The following DPP10 variants were observed in gnomAD, a reference collection of about 807,000 sequenced individuals.
DPP10 encodes the protein inactive dipeptidyl peptidase 10.
In DPP10, 33 loss-of-function variants were observed where a neutral mutation model predicts 120.9. The ratio of observed to expected loss-of-function variants is 0.27; its 90% CI spans 0.21 to 0.37. The LOEUF is 0.37. DPP10 is among the 10% of genes least tolerant of loss of function. The pLI is 1.00. For missense variants in DPP10, 816 were observed against 942.8 expected (o/e 0.87, Z 1.76); for synonymous variants, 337 against 326.1 (o/e 1.03, Z -0.36).
chr2:115,618,013 G>C (rs145609407), intron 5 of DPP10, among the ~76,000 whole-genome samples: 173 of 152,290 alleles, frequency 1.1e-3, no homozygotes, highest in African/African-American at 3.9e-3. Flanking sequence ...TATGTGATAA[G>C]ATGAAGTGAG....
intron 1 of DPP10, among the ~76,000 whole-genome samples, chr2:115,232,310 T>G (rs190878298): frequency 7.2e-6 from 1 of 139,032 alleles, no homozygotes; most frequent in East Asian, 2.2e-4. Flanking sequence ...GTTCTGAGCT[T>G]CACCATTTTT....
intron 1 of DPP10, among the ~76,000 whole-genome samples, chr2:115,070,675 A>T (rs1707292622): frequency 6.6e-6 from 1 of 152,186 alleles, no homozygotes; most frequent in African/African-American, 2.4e-5. Context: ...GTATATGATT[A>T]TAGAAAAGAT....
chr2:115,786,719 A>G (rs1388009645), intron 17 of DPP10, among the ~76,000 whole-genome samples: 1 of 152,178 alleles, frequency 6.6e-6, no homozygotes, highest in Admixed American at 6.5e-5. Flanking sequence ...GATATCTCTG[A>G]GTTGAGGAGA....
At chr2:115,230,041 C>T (rs549694380) in intron 1 of DPP10, among the ~76,000 whole-genome samples, 4 of 151,850 alleles carry the variant, frequency 2.6e-5, no homozygotes, top group African/African-American at 7.2e-5. Context: ...ATTGATTCTT[C>T]GAGCCCATGA....
At chr2:115,748,230 T>C (rs201211277) in intron 10 of DPP10, among the ~76,000 whole-genome samples, 1 of 28,790 alleles carries the variant, frequency 3.5e-5, no homozygotes, top group South Asian at 1.4e-3. Flanking sequence ...TGTTTATGGG[T>C]TTTTTTTTTT....
At chr2:115,574,727 G>A (rs1455845812) in intron 5 of DPP10, among the ~76,000 whole-genome samples, 1 of 152,146 alleles carries the variant, frequency 6.6e-6, no homozygotes, top group African/African-American at 2.4e-5. Context: ...ACAATGCCTG[G>A]AATATGCCAG....
intron 1 of DPP10, among the ~76,000 whole-genome samples, chr2:114,643,901 GTA>G (rs201508977): frequency 1.4e-5 from 2 of 145,128 alleles, no homozygotes; most frequent in African/African-American, 2.6e-5. Flanking sequence ...GTGTATGTGT[GTA>G]TATATATATG....
intron 5 of DPP10, among the ~76,000 whole-genome samples, chr2:115,613,327 T>C (rs1414534546): frequency 2.0e-5 from 3 of 152,224 alleles, no homozygotes; most frequent in South Asian, 2.1e-4. Flanking sequence ...CAGGATATAC[T>C]TGAAGGTTAA....
In DPP10 at chr2:115,576,651, T is replaced by G. The variant is rs564050974; in HGVS notation, c.441+50679T>G. 2.0e-5 allele frequency among the ~76,000 whole-genome samples: 3 copies of G among 152,264 alleles called. No homozygotes were observed. The East Asian group carries it at 5.8e-4, about 29-fold the overall frequency. On this transcript the variant is annotated intron_variant, in intron 5 of 25. Coordinates refer to ENST00000410059, the MANE Select transcript of DPP10 (RefSeq NM_020868.6). ...GAAAACGGTTGAGATGGAGAGGCTT[T>G]CCAGAAGAGAACAAATTGATGAGCA...
chr2:115,161,006 G>C (rs1573833267), intron 1 of DPP10: 1 of 152,328 alleles, frequency 6.6e-6, no homozygotes, highest in African/African-American at 2.4e-5. Context: ...CTTAAGATTT[G>C]AAGGTTTTCC....
chr2:115,332,863 A>G (rs910460074), intron 2 of DPP10, among the ~76,000 whole-genome samples: 4 of 152,074 alleles, frequency 2.6e-5, no homozygotes, highest in African/African-American at 9.7e-5. Flanking sequence ...TCAATTTTGG[A>G]ATCGGTGTGG....
chr2:115,353,139 G>A (rs1473602537), intron 3 of DPP10, among the ~76,000 whole-genome samples: 2 of 152,058 alleles, frequency 1.3e-5, no homozygotes, highest in African/African-American at 2.4e-5. Flanking sequence ...AACAGATGTT[G>A]CAACTAGGAG....
intron 1 of DPP10, among the ~76,000 whole-genome samples, chr2:114,612,507 T>C (rs565794647): frequency 3.1e-4 from 47 of 152,334 alleles, no homozygotes; most frequent in African/African-American, 1.1e-3. Flanking sequence ...TTTCTTTGCT[T>C]TCTCCTTACT....
At chr2:115,817,130 C>T (rs1687328358) in intron 21 of DPP10, among the ~76,000 whole-genome samples, 1 of 151,730 alleles carries the variant, frequency 6.6e-6, no homozygotes. Context: ...CGCCTGTAGT[C>T]CCAGCTACTC....
intron 1 of DPP10, among the ~76,000 whole-genome samples, chr2:114,700,638 T>G (rs1457964187): frequency 6.6e-6 from 1 of 152,218 alleles, no homozygotes; most frequent in East Asian, 1.9e-4. Flanking sequence ...TTTGACCACG[T>G]CACTTCCTCT....
chr2:114,528,257 C>A (rs1270238536), intron 1 of DPP10, among the ~76,000 whole-genome samples: 5 of 152,136 alleles, frequency 3.3e-5, no homozygotes, highest in Non-Finnish European at 1.5e-5. Context: ...TATGGAAATA[C>A]AAGCCAGGGA....
Position 115,791,145 on chromosome 2 carries a change from G to T in DPP10, c.1596G>T (p.Lys532Asn), listed in dbSNP as rs1473181243. ...CTATCCTGAAGAAGAAGATAGGAAA[G>T]CCAGAAATTAAAATCCTTCATATTG... is the stretch of plus-strand genomic sequence containing the variant. ...KEAILKKKIG[K>N]PEIKILHIDD... The change falls in exon 18 of 26, where the codon AAG becomes AAT. Residue 532 changes from lysine (K) to asparagine (N), a missense_variant. Physicochemically the swap from Lys to Asn is moderately conservative, Grantham distance 94 (BLOSUM62 0). Coordinates refer to ENST00000410059, the MANE Select transcript of DPP10 (RefSeq NM_020868.6). The T allele has an allele frequency of 6.2e-7, 1 of 1,613,564 alleles. No individual in the cohort carries two copies. The highest frequency in any genetic ancestry group is 1.7e-5 in the Admixed American group (1 of 59,954).
chr2:115,833,431 T>C lies in DPP10; in HGVS notation c.1951-2726T>C, dbSNP rs551345077. On this transcript the variant is annotated intron_variant, in intron 21 of 25. Coordinates refer to ENST00000410059, the MANE Select transcript of DPP10 (RefSeq NM_020868.6). ...TCTTGGCTGCAACACCCTTCGCCCA[T>C]CTTTATGACAGAGAACTAGGAACAA... 4.6e-5 allele frequency among the ~76,000 whole-genome samples: 7 copies of C among 152,162 alleles called. 1 individual carries two copies. The South Asian group carries it at 1.2e-3, about 27-fold the overall frequency.
chr2:115,053,394 T>G (rs1214232239), intron 1 of DPP10, among the ~76,000 whole-genome samples: 1 of 152,228 alleles, frequency 6.6e-6, no homozygotes, highest in Non-Finnish European at 1.5e-5. Flanking sequence ...ATTCCATTAT[T>G]GTGAAATGTC....
Sources: gnomAD v4.1 joint callset for allele counts (sites outside exome capture counted in the v4.1 genomes callset) on GRCh38, gnomAD v4.1.1 for gene constraint, MANE v1.5 for transcripts, NCBI Gene and HGNC (gene_info 2026-07-23, HGNC 2026-07-21) for gene names.